The following THRB variants were observed in gnomAD, a reference collection of about 807,000 sequenced individuals.
THRB encodes thyroid hormone receptor beta, also known as nuclear receptor subfamily 1 group A member 2.
THRB carries 12 observed loss-of-function variants against 47.8 expected under a neutral mutation model. That is an observed-to-expected ratio of 0.25 (90% confidence interval 0.16 to 0.41). The LOEUF (loss-of-function observed/expected upper bound fraction) is 0.41, where lower values mean the gene tolerates loss of function less well. Among genes scored for constraint, THRB ranks in the 10% least tolerant of loss-of-function variants. The pLI is 1.00. For synonymous variants in THRB, 218 were observed against 212.2 expected, an observed-to-expected ratio of 1.03 and a Z score of -0.24; for missense variants, 348 against 589.2, an observed-to-expected ratio of 0.59 and a Z score of 4.24.
rs9812496 is a variant in THRB at position 24,288,843 on chromosome 3, T to A, written c.-43+8383A>T. Among the ~76,000 whole-genome samples the A allele has an allele frequency of 3.7e-3, 564 of 152,338 alleles. 4 individuals are homozygous for A. The highest frequency in any genetic ancestry group is 0.012 in the African/African-American group (519 of 41,574). ...CTGCGTTTCTTAAGAGTTAGGATTG[T>A]TTTGTGAAACTTTTGTTTGATTTAC... On this transcript the variant is annotated intron_variant, in intron 3 of 10. Coordinates refer to ENST00000646209, the MANE Select transcript of THRB (RefSeq NM_001354712.2).
At chr3:24,344,667 A>T (rs115527372) in intron 1 of THRB, among the ~76,000 whole-genome samples, 1,722 of 147,950 alleles carry the variant, frequency 0.012, 17 homozygotes, top group African/African-American at 0.032. Context: ...TGTAACACAC[A>T]TATACACAAA....
chr3:24,439,108 A>C (rs1182288034), intron 1 of THRB, among the ~76,000 whole-genome samples: 2 of 152,166 alleles, frequency 1.3e-5, no homozygotes, highest in Non-Finnish European at 2.9e-5. Flanking sequence ...CCTCAGCATC[A>C]GGTGGTAACT....
chr3:24,147,048 T>C (rs997766533), intron 6 of THRB, among the ~76,000 whole-genome samples: 1 of 152,186 alleles, frequency 6.6e-6, no homozygotes, highest in Non-Finnish European at 1.5e-5. Flanking sequence ...AACACCTTTT[T>C]TTTTGGTCTT....
At chr3:24,350,854 C>CT (rs559317766) in intron 1 of THRB, among the ~76,000 whole-genome samples, 2 of 151,878 alleles carry the variant, frequency 1.3e-5, no homozygotes, top group Non-Finnish European at 2.9e-5. Flanking sequence ...AATATCAATA[C>CT]TTTTTTTTCT....
At chr3:24,178,248 ATAAT>A (rs1317657618) in intron 5 of THRB, among the ~76,000 whole-genome samples, 1 of 152,240 alleles carries the variant, frequency 6.6e-6, no homozygotes, top group African/African-American at 2.4e-5. Context: ...TCTGCATCAT[ATAAT>A]TAAATTCAAA....
At chr3:24,462,869 T>A (rs1338123806) in intron 1 of THRB, among the ~76,000 whole-genome samples, 1 of 152,140 alleles carries the variant, frequency 6.6e-6, no homozygotes, top group Non-Finnish European at 1.5e-5. Context: ...CTCACCCTCA[T>A]CTGGGCAAGG....
intron 2 of THRB, among the ~76,000 whole-genome samples, chr3:24,319,239 G>C (rs2058318879): frequency 6.6e-6 from 1 of 152,042 alleles, no homozygotes; most frequent in African/African-American, 2.4e-5. Flanking sequence ...CTATAGCCTA[G>C]CAAATCTTCC....
At chr3:24,356,719 C>T (rs2063698062) in intron 1 of THRB, among the ~76,000 whole-genome samples, 1 of 152,018 alleles carries the variant, frequency 6.6e-6, no homozygotes, top group South Asian at 2.1e-4. Flanking sequence ...ATTGTTGGTA[C>T]CAAAAAAGTC....
At chr3:24,447,231 T>G (rs1373977289) in intron 1 of THRB, among the ~76,000 whole-genome samples, 1 of 152,196 alleles carries the variant, frequency 6.6e-6, no homozygotes, top group African/African-American at 2.4e-5. Flanking sequence ...TTCGAAGCAA[T>G]TAATGAATGT....
intron 2 of THRB, among the ~76,000 whole-genome samples, chr3:24,323,538 A>C (rs946349646): frequency 6.6e-6 from 1 of 152,224 alleles, no homozygotes; most frequent in Non-Finnish European, 1.5e-5. Context: ...GAGATTCTGC[A>C]TTCCTAACCA....
intron 5 of THRB, among the ~76,000 whole-genome samples, chr3:24,186,944 C>CAAAAAAAAAA (rs71057655): frequency 5.2e-5 from 4 of 77,518 alleles, no homozygotes; most frequent in Non-Finnish European, 9.8e-5. Context: ...GACTCCATTT[C>CAAAAAAAAAA]AAAAAAAAAA....
chr3:24,261,484 C>T (rs1667750), intron 3 of THRB, among the ~76,000 whole-genome samples: 94,140 of 139,742 alleles, frequency 0.67, 32,094 homozygotes, highest in Middle Eastern at 0.76. Context: ...GACAACAGAG[C>T]GCGATTCTGT....
chr3:24,366,681 C>A (rs1262554158), intron 1 of THRB, among the ~76,000 whole-genome samples: 1 of 141,970 alleles, frequency 7.0e-6, no homozygotes, highest in Non-Finnish European at 1.5e-5. Context: ...AGTACAGTGG[C>A]ACCATCTCGG....
At chr3:24,442,693 G>A (rs1272135385) in intron 1 of THRB, among the ~76,000 whole-genome samples, 2 of 152,054 alleles carry the variant, frequency 1.3e-5, no homozygotes, top group Non-Finnish European at 1.5e-5. Context: ...GTGTAGTGGC[G>A]CATGCCTGTA....
At chr3:24,265,980 T>A (rs2052609951) in intron 3 of THRB, among the ~76,000 whole-genome samples, 1 of 152,210 alleles carries the variant, frequency 6.6e-6, no homozygotes, top group African/African-American at 2.4e-5. Context: ...TAATACTTTT[T>A]TGTATTAAAA....
intron 5 of THRB, among the ~76,000 whole-genome samples, chr3:24,179,658 T>G (rs752043778): frequency 1.3e-5 from 2 of 152,198 alleles, no homozygotes; most frequent in Non-Finnish European, 2.9e-5. Context: ...CCAATTTTAT[T>G]TTTCCACTTC....
chr3:24,419,205 C>G (rs1462600655), intron 1 of THRB, among the ~76,000 whole-genome samples: 1 of 151,878 alleles, frequency 6.6e-6, no homozygotes, highest in East Asian at 2.0e-4. Context: ...CTCCTTTCCT[C>G]CCTTCTCACT....
intron 1 of THRB, among the ~76,000 whole-genome samples, chr3:24,362,984 C>T (rs562599981): frequency 6.6e-6 from 1 of 152,250 alleles, no homozygotes; most frequent in East Asian, 1.9e-4. Flanking sequence ...AGGACAATTA[C>T]TGGGAGCTGA....
intron 1 of THRB, among the ~76,000 whole-genome samples, chr3:24,453,881 T>C (rs956938688): frequency 1.3e-5 from 2 of 152,110 alleles, no homozygotes; most frequent in African/African-American, 4.8e-5. Context: ...CTGCCTGCAG[T>C]GTTCTCCTAG....
Sources: gnomAD v4.1 joint callset for allele counts (sites outside exome capture counted in the v4.1 genomes callset) on GRCh38, gnomAD v4.1.1 for gene constraint, MANE v1.5 for transcripts, NCBI Gene and HGNC (gene_info 2026-07-23, HGNC 2026-07-21) for gene names.